The following MAFK variants were observed in gnomAD, a reference collection of about 807,000 sequenced individuals.
MAFK encodes MAF bZIP transcription factor K.
A neutral mutation model predicts 9.2 loss-of-function variants in MAFK; 1 was observed. The ratio of observed to expected loss-of-function variants is 0.11; its 90% CI spans 0.04 to 0.52. The LOEUF (loss-of-function observed/expected upper bound fraction) is 0.52. Ranked by LOEUF, MAFK falls within the 20% of genes least tolerant of loss-of-function variation. The probability of loss-of-function intolerance (pLI) is 0.94; values close to 1 mark genes in which losing one functional copy is unlikely to be tolerated. For synonymous variants in MAFK, 110 were observed against 107.4 expected (o/e 1.02, Z -0.15); for missense variants, 207 against 236.0 (o/e 0.88, Z 0.81).
At position 1,540,150 on chromosome 7, in the gene MAFK, G is replaced by A. The variant is rs1478608370; in HGVS notation, c.246G>A (p.Gln82=). ...CGCAGAAGGAGGAGCTGGAGCGGCAGCGCGTGGAGCTGCAGCAGGAGGTGG... is the reference window on the plus strand; with the variant it reads ...CGCAGAAGGAGGAGCTGGAGCGGCAACGCGTGGAGCTGCAGCAGGAGGTGG... The part of the protein sequence containing the change: ...RVTQKEELER[Q]RVELQQEVEK... Residue 82 remains glutamine, a synonymous_variant, in exon 3 of 3, where the codon CAG becomes CAA. Coordinates refer to ENST00000343242, the MANE Select transcript of MAFK (RefSeq NM_002360.4). 1 of 1,570,210 alleles carries A rather than the reference G, an allele frequency of 6.4e-7. No homozygotes were observed. Among genetic ancestry groups the A allele is most frequent in the Non-Finnish European group, 8.6e-7 (1 of 1,158,022 alleles).
intron 1 of MAFK, among the ~76,000 whole-genome samples, chr7:1,536,875 A>G (rs1267039013): frequency 6.6e-6 from 1 of 152,170 alleles, no homozygotes; most frequent in African/African-American, 2.4e-5. Context: ...TCGGCAGAGC[A>G]GAGTCGTGAC....
chr7:1,540,383 CG>C lies in MAFK; in HGVS notation c.*13del. 5.3e-6 allele frequency: 3 copies of C among 560,848 alleles called. No homozygotes were observed. The highest frequency in any genetic ancestry group is 3.2e-5 in the African/African-American group (1 of 30,806). The allele number at this position is 560,848 out of a possible 1,614,324, so 34.7% of individuals were successfully genotyped here. A position where few individuals can be genotyped will look rare whatever the true frequency, so the allele number is the denominator to read the frequency against. The stretch of plus-strand genomic sequence containing the variant: ...TTCTCGGCTGCATCCTAGTGCCGGC[CG>C]GGGGCGGGGGGTGGCGGGCGGCGGG... On this transcript the variant is annotated 3_prime_UTR_variant, in exon 3 of 3. Coordinates refer to ENST00000343242, the MANE Select transcript of MAFK (RefSeq NM_002360.4).
rs1357414066 is a variant in MAFK, at chr7:1,530,861, G to GGAGCCGCCGCGCGCCCGCGCC, written c.-81_-61dup. On this transcript the variant is annotated 5_prime_UTR_variant, in exon 1 of 3. Coordinates refer to ENST00000343242, the MANE Select transcript of MAFK (RefSeq NM_002360.4). ...GCGCGAGGACAGCGCGTGCCCGCGA[G>GGAGCCGCCGCGCGCCCGCGCC]GAGCCGCCGCGCGCCCGCGCCCTCC... 6.8e-6 allele frequency: 1 copy of GGAGCCGCCGCGCGCCCGCGCC among 146,562 alleles called. No individual in the cohort carries two copies. Among genetic ancestry groups the GGAGCCGCCGCGCGCCCGCGCC allele is most frequent in the African/African-American group, 2.5e-5 (1 of 40,658 alleles). The allele number at this position is 146,562 out of a possible 1,614,324, so 9.1% of individuals were successfully genotyped here.
At chr7:1,539,631 G>A (rs757453933) in intron 2 of MAFK, among the ~76,000 whole-genome samples, 1 of 152,242 alleles carries the variant, frequency 6.6e-6, no homozygotes, top group Non-Finnish European at 1.5e-5. Flanking sequence ...GCGTGTGCCT[G>A]TGGGCCGGCT....
At chr7:1,535,780 G>A (rs574505319) in intron 1 of MAFK, among the ~76,000 whole-genome samples, 2 of 152,312 alleles carry the variant, frequency 1.3e-5, no homozygotes, top group African/African-American at 4.8e-5. Context: ...GGGAGCCCAG[G>A]GCTCTGATCC....
rs527334699 is a variant in MAFK, at chr7:1,539,187, C to T, written c.-6C>T. The T allele has an allele frequency of 5.3e-4, 852 of 1,612,568 alleles. 7 individuals are homozygous for T. The South Asian group carries it at 7.2e-3, about 14-fold the overall frequency. The stretch of plus-strand genomic sequence containing the variant: ...GGAGCTCTGTCCTGGTGACCGTGCC[C>T]GGGTTATGACGACTAATCCCAAACC... On this transcript the variant is annotated 5_prime_UTR_variant, in exon 2 of 3. Coordinates refer to ENST00000343242, the MANE Select transcript of MAFK (RefSeq NM_002360.4).
rs1485544052 is a variant in MAFK, at chr7:1,532,314, G to C, written c.-45+1416G>C. On this transcript the variant is annotated intron_variant, in intron 1 of 2. Coordinates refer to ENST00000343242, the MANE Select transcript of MAFK (RefSeq NM_002360.4). The surrounding 1 kb of genome is among the most constrained non-coding windows in gnomAD (Gnocchi z 4.5). ...TGGAGAACATAGGTGGGCTGTGCAG[G>C]TGTCTGGGACACACCTACACCCTAT... Among the ~76,000 whole-genome samples, 1 of 152,234 alleles carries C rather than the reference G, an allele frequency of 6.6e-6. No homozygotes were observed. The highest frequency in any genetic ancestry group is 1.5e-5 in the Non-Finnish European group (1 of 68,044).
intron 1 of MAFK, chr7:1,538,067 C>T (rs1006268797): frequency 1.7e-5 from 3 of 172,428 alleles, no homozygotes; most frequent in South Asian, 3.9e-4. Context: ...CTGCCGGCCT[C>T]GTGATGTCTG....
intron 1 of MAFK, chr7:1,537,661 C>T (rs1784064207): frequency 4.1e-6 from 4 of 985,436 alleles, no homozygotes; most frequent in South Asian, 9.4e-5. Flanking sequence ...TTGGCAGGGG[C>T]AGCGGACTCG....
At chr7:1,538,415 A>T in intron 1 of MAFK, 1 of 970,622 alleles carries the variant, frequency 1.0e-6, no homozygotes, top group Admixed American at 6.8e-5. Context: ...GGGGCAGCTT[A>T]GGTGGAGGTG....
At position 1,534,029 on chromosome 7, in the gene MAFK, C is replaced by G; in HGVS notation, c.-45+3131C>G. The G allele has an allele frequency of 2.8e-6, 1 of 355,282 alleles. No homozygotes were observed. The highest frequency in any genetic ancestry group is 2.0e-5 in the South Asian group (1 of 49,880). The allele number at this position is 355,282 out of a possible 1,614,324, so 22.0% of individuals were successfully genotyped here. A position where few individuals can be genotyped will look rare whatever the true frequency, so the allele number is the denominator to read the frequency against. ...CACCTCTGGATGTAGCGGAATGACA[C>G]AGCTTCCTCAGACTGCAAATGCAAG... On this transcript the variant is annotated intron_variant, in intron 1 of 2. Coordinates refer to ENST00000343242, the MANE Select transcript of MAFK (RefSeq NM_002360.4). The surrounding 1 kb of genome is among the most constrained non-coding windows in gnomAD (Gnocchi z 4.3).
rs1011757057 is a variant in MAFK at position 1,542,961 on chromosome 7, G to C, written c.*2586G>C. 6.6e-6 allele frequency: 1 copy of C among 152,658 alleles called. No individual in the cohort carries two copies. Among genetic ancestry groups the C allele is most frequent in the Admixed American group, 6.5e-5 (1 of 15,280 alleles). The allele number at this position is 152,658 out of a possible 1,614,324, so 9.5% of individuals were successfully genotyped here. A position where few individuals can be genotyped will look rare whatever the true frequency, so the allele number is the denominator to read the frequency against. On this transcript the variant is annotated 3_prime_UTR_variant, in exon 3 of 3. Coordinates refer to ENST00000343242, the MANE Select transcript of MAFK (RefSeq NM_002360.4). Reference sequence around the variant, plus strand: ...CGCCGCCGCCCTGCCCCGTCCCTGCGGCCACCACCTAATTTATTGCCGTGC... The same window carrying C: ...CGCCGCCGCCCTGCCCCGTCCCTGCCGCCACCACCTAATTTATTGCCGTGC...
rs908063160 is a variant in MAFK, at chr7:1,540,505, C to G, written c.*130C>G. 10 of 905,854 alleles carry G rather than the reference C, an allele frequency of 1.1e-5. No individual in the cohort carries two copies. The highest frequency in any genetic ancestry group is 1.6e-6 in the Non-Finnish European group (1 of 616,070). The allele number at this position is 905,854 out of a possible 1,614,324, so 56.1% of individuals were successfully genotyped here. On this transcript the variant is annotated 3_prime_UTR_variant, in exon 3 of 3. Coordinates refer to ENST00000343242, the MANE Select transcript of MAFK (RefSeq NM_002360.4). The stretch of plus-strand genomic sequence containing the variant: ...CAAGCGCAGGCCCCTCGGGCGCAGG[C>G]AGCTCACACCAGGAAGAGACTGTAT...
chr7:1,537,255 C>A, intron 1 of MAFK: 1 of 429,712 alleles, frequency 2.3e-6, no homozygotes, highest in South Asian at 9.7e-5. Context: ...TTCCGCCCGG[C>A]TGTGCTGCCA....
rs1255216975 is a variant in MAFK, at chr7:1,531,259, G to C, written c.-45+361G>C. Among the ~76,000 whole-genome samples the C allele has an allele frequency of 4.6e-5, 7 of 150,610 alleles. No individual in the cohort carries two copies. In the South Asian group the frequency reaches 6.2e-4, roughly 13 times the overall value. On this transcript the variant is annotated intron_variant, in intron 1 of 2. Transcript: ENST00000343242. Reference sequence around the variant, plus strand: ...TCGGGCCCGCGCCTTCACACCTGCGGGGGGCGGGGCGGGGCGGGCGCCACG... The same window carrying C: ...TCGGGCCCGCGCCTTCACACCTGCGCGGGGCGGGGCGGGGCGGGCGCCACG...
intron 2 of MAFK, among the ~76,000 whole-genome samples, 176 bp downstream of exon 2, chr7:1,539,404 C>T (rs867663166): frequency 1.4e-4 from 22 of 152,262 alleles, no homozygotes; most frequent in Admixed American, 9.1e-4. Context: ...GAGTCAGGAT[C>T]GGGGACTGTG....
chr7:1,534,601 T>A lies in MAFK; in HGVS notation c.-45+3703T>A. On this transcript the variant is annotated intron_variant, in intron 1 of 2. Transcript: ENST00000343242. The surrounding 1 kb of genome is among the most constrained non-coding windows in gnomAD (Gnocchi z 4.3). ...CCTCCTCCCTCTCCCGCATCCCACA[T>A]CCTCGGAGACCCGCGGAGAATAGAA... is the stretch of plus-strand genomic sequence containing the variant. 1 of 456,260 alleles carries A rather than the reference T, an allele frequency of 2.2e-6. No individual in the cohort carries two copies. The highest frequency in any genetic ancestry group is 4.4e-6 in the Non-Finnish European group (1 of 226,836). 28.3% of individuals were successfully genotyped at this position (456,260 alleles called of 1,614,324 possible). A position where few individuals can be genotyped will look rare whatever the true frequency, so the allele number is the denominator to read the frequency against.
At chr7:1,531,590 G>T (rs1005802649) in intron 1 of MAFK, among the ~76,000 whole-genome samples, 2 of 152,208 alleles carry the variant, frequency 1.3e-5, no homozygotes, top group African/African-American at 4.8e-5. Flanking sequence ...CTTTGCTCAC[G>T]TGTGGGGCAG....
chr7:1,539,726 G>A (rs1784129821), intron 2 of MAFK, among the ~76,000 whole-genome samples: 1 of 152,196 alleles, frequency 6.6e-6, no homozygotes, highest in Non-Finnish European at 1.5e-5. Context: ...TGTCACCACT[G>A]GCTTTTCCCG....
Sources: allele counts gnomAD v4.1 joint callset (sites outside exome capture counted in the v4.1 genomes callset), GRCh38; gene constraint gnomAD v4.1.1; non-coding constraint Gnocchi (gnomAD v3.1); transcripts MANE v1.5; gene names NCBI Gene and HGNC (gene_info 2026-07-23, HGNC 2026-07-21).